Variants in PRKAR1A observed in about 807,000 individuals in gnomAD.
PRKAR1A encodes cAMP-dependent protein kinase type I-alpha regulatory subunit.
In PRKAR1A, 3 loss-of-function variants were observed where a neutral mutation model predicts 52.0. The ratio of observed to expected loss-of-function variants is 0.06; its 90% CI spans 0.03 to 0.15. PRKAR1A has a LOEUF of 0.15. Ranked by LOEUF, PRKAR1A falls within the 10% of genes least tolerant of loss-of-function variation. The pLI is 1.00. For synonymous variants in PRKAR1A, 188 were observed against 168.4 expected (o/e 1.12, Z -0.90); for missense variants, 240 against 477.4 (o/e 0.50, Z 4.63).
chr17:68,497,051 T>C, the PRKAR1A span, among the ~76,000 whole-genome samples: 1 of 152,134 alleles, frequency 6.6e-6, no homozygotes, highest in Non-Finnish European at 1.5e-5. Flanking sequence ...CTCGAACTCC[T>C]GAGCTCAAGT....
intron 11 of PRKAR1A, chr17:68,540,821 T>C (rs2086253318): frequency 6.4e-7 from 1 of 1,573,106 alleles, no homozygotes; most frequent in South Asian, 1.2e-5. Context: ...AGCCCACTTC[T>C]GCTGGGGGCC....
At chr17:68,494,443 G>A in the PRKAR1A span, among the ~76,000 whole-genome samples, 1 of 152,142 alleles carries the variant, frequency 6.6e-6, no homozygotes, top group African/African-American at 2.4e-5. Flanking sequence ...TTGGGAGGCT[G>A]AGGCATGAGA....
downstream of PRKAR1A, among the ~76,000 whole-genome samples, chr17:68,538,153 A>G (rs559421111): frequency 1.3e-5 from 2 of 152,242 alleles, no homozygotes; most frequent in Non-Finnish European, 2.9e-5. Flanking sequence ...GCCAGCCTTT[A>G]AGTTGTTTCT....
chr17:68,550,899 C>T (rs561527598), intron 11 of PRKAR1A, among the ~76,000 whole-genome samples: 3 of 152,332 alleles, frequency 2.0e-5, no homozygotes, highest in Non-Finnish European at 2.9e-5. Flanking sequence ...ACTCTTTATT[C>T]GGTGCTTATT....
intron 5 of PRKAR1A, 142 bp from the exon 6 acceptor site, chr17:68,524,770 T>C: frequency 1.4e-6 from 1 of 717,636 alleles, no homozygotes; most frequent in South Asian, 1.7e-5. Flanking sequence ...TGTTGCTTGA[T>C]TTTCTTTCCC....
the PRKAR1A span, chr17:68,435,685 C>T: frequency 1.5e-5 from 25 of 1,614,102 alleles, no homozygotes; most frequent in African/African-American, 4.0e-5. Context: ...AGTGTTCCCT[C>T]ATGGGCAGCA....
the PRKAR1A span, among the ~76,000 whole-genome samples, chr17:68,445,118 C>A: frequency 1.3e-5 from 2 of 152,060 alleles, no homozygotes; most frequent in Admixed American, 6.6e-5. Context: ...CGGGGTTTCA[C>A]CATGTTGATC....
chr17:68,471,460 TATGGAC>T, the PRKAR1A span, among the ~76,000 whole-genome samples: 1 of 152,174 alleles, frequency 6.6e-6, no homozygotes, highest in African/African-American at 2.4e-5. Context: ...TGATGTGTGG[TATGGAC>T]AGAAACCCTA....
At chr17:68,466,078 GCGTGCAAATGGGCCTGT>G in the PRKAR1A span, among the ~76,000 whole-genome samples, 3 of 152,216 alleles carry the variant, frequency 2.0e-5, no homozygotes, top group East Asian at 3.9e-4. Context: ...ACTGACTTCT[GCGTGCAAATGGGCCTGT>G]CGTGCAAATG....
chr17:68,438,245 C>CAGCCCTGT, the PRKAR1A span, among the ~76,000 whole-genome samples: 3 of 152,158 alleles, frequency 2.0e-5, no homozygotes, highest in Non-Finnish European at 2.9e-5. Flanking sequence ...CACGTTCTGG[C>CAGCCCTGT]AGCCCTGCCA....
chr17:68,496,817 A>ATTTTTT, the PRKAR1A span, among the ~76,000 whole-genome samples: 1 of 75,530 alleles, frequency 1.3e-5, no homozygotes, highest in Non-Finnish European at 2.7e-5. Flanking sequence ...CTTAGTTTTT[A>ATTTTTT]CTTTTTTTTT....
chr17:68,487,119 G>A, the PRKAR1A span, among the ~76,000 whole-genome samples: 4 of 152,036 alleles, frequency 2.6e-5, no homozygotes, highest in African/African-American at 7.2e-5. Context: ...TGATCCGCCC[G>A]CCTCGGCCTC....
At chr17:68,487,904 A>G in the PRKAR1A span, among the ~76,000 whole-genome samples, 1 of 152,284 alleles carries the variant, frequency 6.6e-6, no homozygotes, top group Admixed American at 6.5e-5. Context: ...GAGGCATAAC[A>G]GTGAACAACA....
chr17:68,507,235 CAT>C (rs2085209494), upstream of PRKAR1A, among the ~76,000 whole-genome samples: 1 of 152,194 alleles, frequency 6.6e-6, no homozygotes, highest in African/African-American at 2.4e-5. Flanking sequence ...ATAGCAAAGA[CAT>C]AGAATCAACC....
At chr17:68,464,930 G>GT in the PRKAR1A span, among the ~76,000 whole-genome samples, 66,117 of 142,992 alleles carry the variant, frequency 0.46, 15,263 homozygotes, top group African/African-American at 0.51. Flanking sequence ...GGAAGTGTGG[G>GT]TTTTTTTTTT....
chr17:68,535,507 T>C (rs1248093610), downstream of PRKAR1A: 6 of 453,964 alleles, frequency 1.3e-5, no homozygotes, highest in East Asian at 4.2e-4. Flanking sequence ...ATTTTCCCAT[T>C]TCTGTGTGTG....
intron 2 of PRKAR1A, among the ~76,000 whole-genome samples, chr17:68,522,277 A>G (rs1425497094): frequency 2.6e-5 from 4 of 152,210 alleles, no homozygotes; most frequent in Non-Finnish European, 4.4e-5. Flanking sequence ...AGTTAATGAA[A>G]TAACTCAGTA....
At chr17:68,424,516 T>A in the PRKAR1A span, 2 of 534,266 alleles carry the variant, frequency 3.7e-6, no homozygotes, top group Non-Finnish European at 7.7e-6. Flanking sequence ...CTAATGGACA[T>A]TGTTTCAGTG....
downstream of PRKAR1A, chr17:68,535,779 G>T (rs1347072813): frequency 6.6e-6 from 3 of 453,846 alleles, no homozygotes; most frequent in Non-Finnish European, 1.3e-5. Context: ...AAAGTGCTGG[G>T]ATTACAGGTG....
Sources: gnomAD v4.1 joint callset for allele counts (sites outside exome capture counted in the v4.1 genomes callset) on GRCh38, gnomAD v4.1.1 for gene constraint, MANE v1.5 for transcripts, NCBI Gene and HGNC (gene_info 2026-07-23, HGNC 2026-07-21) for gene names.